The following TCOF1 variants were observed in gnomAD, a reference collection of about 807,000 sequenced individuals.
The protein encoded by TCOF1 is treacle protein.
A neutral mutation model predicts 149.0 loss-of-function variants in TCOF1; 33 were observed. The ratio of observed to expected loss-of-function variants is 0.22; its 90% CI spans 0.17 to 0.30. The LOEUF is 0.30. TCOF1 is among the 10% of genes least tolerant of loss of function. TCOF1 has a pLI of 1.00. For missense variants in TCOF1, 1,728 were observed against 1,840.7 expected (o/e 0.94, Z 1.12); for synonymous variants, 789 against 738.8 (o/e 1.07, Z -1.10).
intron 18 of TCOF1, among the ~76,000 whole-genome samples, chr5:150,389,662 G>T (rs966576631): frequency 1.3e-5 from 2 of 152,232 alleles, no homozygotes; most frequent in African/African-American, 2.4e-5. Flanking sequence ...GAAGCCTGGG[G>T]TCACCCCCAG....
intron 20 of TCOF1, 133 bp from the exon 21 acceptor site, chr5:150,391,824 G>T (rs1767504819): frequency 8.4e-7 from 1 of 1,184,112 alleles, no homozygotes; most frequent in African/African-American, 1.5e-5. Context: ...ACCTTTCGTA[G>T]TTGGAAGGAT....
At chr5:150,370,647 C>T (rs1292949098) in intron 6 of TCOF1, among the ~76,000 whole-genome samples, 5 of 152,168 alleles carry the variant, frequency 3.3e-5, no homozygotes, top group African/African-American at 2.4e-5. Context: ...TGAGCCGCCA[C>T]GCCTGGCCAA....
chr5:150,389,122 TAC>T (rs1766879009), intron 18 of TCOF1, among the ~76,000 whole-genome samples: 1 of 152,214 alleles, frequency 6.6e-6, no homozygotes, highest in Non-Finnish European at 1.5e-5. Flanking sequence ...CATATACTTA[TAC>T]ATATATGTGT....
At position 150,376,487 on chromosome 5, in the gene TCOF1, G is replaced by A. The variant is rs1227842286; in HGVS notation, c.2207G>A (p.Gly736Glu). 3 of 1,614,024 alleles carry A rather than the reference G, an allele frequency of 1.9e-6. No individual in the cohort carries two copies. Among genetic ancestry groups the A allele is most frequent in the East Asian group, 2.2e-5 (1 of 44,892 alleles). ...AASVPVKGSL[G>E]QGTAPVLPGK... ...TCAGTGCCTGTCAAGGGGTCCTTGG[G>A]GCAAGGGACTGCTCCAGTACTCCCT... The change falls in exon 14 of 27, where the codon GGG becomes GAG. Residue 736 changes from glycine (G) to glutamate (E), a missense_variant. Physicochemically the swap from Gly to Glu is moderately conservative, Grantham distance 98. Coordinates refer to ENST00000643257, the MANE Select transcript of TCOF1 (RefSeq NM_001371623.1).
Position 150,374,662 on chromosome 5 carries a change from C to T in TCOF1, c.1129C>T (p.Pro377Ser). 6.2e-7 allele frequency: 1 copy of T among 1,613,980 alleles called. No homozygotes were observed. The highest frequency in any genetic ancestry group is 8.5e-7 in the Non-Finnish European group (1 of 1,180,012). Residue 377 changes from proline (P) to serine (S), a missense_variant, in exon 9 of 27, where the codon CCT becomes TCT. Physicochemically the swap from Pro to Ser is moderately conservative, Grantham distance 74. Transcript: ENST00000643257. ...KTSQVGAASAPAKESPRKGAA... is the reference protein window; with the variant it reads ...KTSQVGAASASAKESPRKGAA... ...CTCTCAGGTCGGAGCTGCCTCAGCC[C>T]CTGCCAAGGAGTCCCCCAGGAAAGG...
intron 23 of TCOF1, among the ~76,000 whole-genome samples, chr5:150,395,111 C>T (rs1008871694): frequency 1.3e-5 from 2 of 152,120 alleles, no homozygotes; most frequent in African/African-American, 2.4e-5. Context: ...CTGCCCAGTC[C>T]ACCTCCCCCA....
chr5:150,395,942 T>G (rs1267224904), intron 23 of TCOF1, among the ~76,000 whole-genome samples: 2 of 152,162 alleles, frequency 1.3e-5, no homozygotes, highest in Non-Finnish European at 2.9e-5. Flanking sequence ...AGCTCCAGAC[T>G]CCATCTCCCT....
At chr5:150,391,902 C>T in intron 20 of TCOF1, 55 bp from the exon 21 acceptor site, 2 of 1,563,774 alleles carry the variant, frequency 1.3e-6, no homozygotes, top group Non-Finnish European at 8.8e-7. Flanking sequence ...CAGGAAGGAC[C>T]AGGTCTTACT....
chr5:150,394,778 A>T (rs919077808), intron 23 of TCOF1: 1 of 152,312 alleles, frequency 6.6e-6, no homozygotes, highest in Non-Finnish European at 1.5e-5. Context: ...ACTAGCCAGC[A>T]TGATGGCAGG....
chr5:150,360,024 C>T (rs768937535), intron 1 of TCOF1, among the ~76,000 whole-genome samples: 2 of 152,150 alleles, frequency 1.3e-5, no homozygotes, highest in Non-Finnish European at 2.9e-5. Context: ...GCAGGGTGGC[C>T]TGACACATTT....
At chr5:150,374,058 G>A in intron 7 of TCOF1, 116 bp from the exon 8 acceptor site, 1 of 1,141,598 alleles carries the variant, frequency 8.8e-7, no homozygotes, top group Non-Finnish European at 1.3e-6. Flanking sequence ...TGGGGAGTGG[G>A]GAGGGAAGCA....
rs764760629 is a variant in TCOF1 at position 150,357,733 on chromosome 5, C to A, written c.-14C>A. The A allele has an allele frequency of 4.5e-6, 7 of 1,546,460 alleles. No individual in the cohort carries two copies. In the African/African-American group the frequency reaches 6.9e-5, roughly 15 times the overall value. ...CGGGGCGTGCAGGTAGCCGGCCGGC[C>A]GGGGGTCGCGGGTATGGCCGAGGCC... is the stretch of plus-strand genomic sequence containing the variant. On this transcript the variant is annotated 5_prime_UTR_variant, in exon 1 of 27. Transcript: ENST00000643257.
intron 2 of TCOF1, among the ~76,000 whole-genome samples, chr5:150,361,761 G>A (rs1244567117): frequency 6.6e-6 from 1 of 152,212 alleles, no homozygotes; most frequent in Admixed American, 6.5e-5. Context: ...AATTGGAGGA[G>A]TGAACTATGC....
In TCOF1 at chr5:150,391,860, T is replaced by C. The variant is rs1257710429; in HGVS notation, c.3298-97T>C. The C allele has an allele frequency of 2.3e-6, 3 of 1,283,736 alleles. No individual in the cohort carries two copies. In the African/African-American group the frequency reaches 4.4e-5, roughly 19 times the overall value. 79.5% of individuals were successfully genotyped at this position (1,283,736 alleles called of 1,614,324 possible). A position where few individuals can be genotyped will look rare whatever the true frequency, so the allele number is the denominator to read the frequency against. On this transcript the variant is annotated intron_variant, in intron 20 of 26. Transcript: ENST00000643257. ...CAAATGAGGCTGCATGTGTGCCCCA[T>C]CTAACACAGTTCCTGGCCCTACTGA...
At position 150,361,116 on chromosome 5, in the gene TCOF1, G is replaced by T. The variant is rs779932931; in HGVS notation, c.109-40G>T. ...TGGGCCCAAGAAGGATCCTTACTGTGCTGGGGATTAATTGTGGCTTTCTCT... is the reference window on the plus strand; with the variant it reads ...TGGGCCCAAGAAGGATCCTTACTGTTCTGGGGATTAATTGTGGCTTTCTCT... On this transcript the variant is annotated intron_variant, in intron 1 of 26. Transcript: ENST00000643257. The T allele has an allele frequency of 9.9e-6, 16 of 1,613,460 alleles. No homozygotes were observed. In the East Asian group the frequency reaches 3.6e-4, roughly 36 times the overall value.
At position 150,368,350 on chromosome 5, in the gene TCOF1, A is replaced by G; in HGVS notation, c.379-366A>G. 6 of 357,620 alleles carry G rather than the reference A, an allele frequency of 1.7e-5. No homozygotes were observed. The South Asian group carries it at 1.8e-4, about 11-fold the overall frequency. 22.2% of individuals were successfully genotyped at this position (357,620 alleles called of 1,614,324 possible). On this transcript the variant is annotated intron_variant, in intron 4 of 26. Coordinates refer to ENST00000643257, the MANE Select transcript of TCOF1 (RefSeq NM_001371623.1). Reference sequence around the variant, plus strand: ...TCAAAAAACAAGGTGTCATTTTCTAATAATCCAGAAAGCAGAGTTAGATAC... The same window carrying G: ...TCAAAAAACAAGGTGTCATTTTCTAGTAATCCAGAAAGCAGAGTTAGATAC...
At chr5:150,398,317 C>G in intron 24 of TCOF1, 37 bp from the exon 25 acceptor site, 1 of 1,612,020 alleles carries the variant, frequency 6.2e-7, no homozygotes, top group African/African-American at 1.3e-5. Flanking sequence ...TTAGGATTAC[C>G]ATCTGTTGTT....
chr5:150,368,019 C>A, intron 4 of TCOF1, 102 bp downstream of exon 4: 2 of 1,307,210 alleles, frequency 1.5e-6, no homozygotes, highest in East Asian at 2.4e-5. Flanking sequence ...AGTAATTGCC[C>A]CACCTGGATT....
Position 150,379,534 on chromosome 5 carries a change from G to A in TCOF1, c.2661G>A (p.Val887=). Residue 887 remains valine (V), a splice_region_variant and synonymous_variant, in exon 17 of 27, where the codon GTG becomes GTA. Transcript: ENST00000643257. ...TCTCATCCTGTTTCTCCCTCCAGGT[G>A]AAGCCTTCAGGGAAGACCCACCAGA... ...SEEEAETLAQ[V]KPSGKTHQIR... 6.2e-7 allele frequency: 1 copy of A among 1,614,192 alleles called. No homozygotes were observed. The highest frequency in any genetic ancestry group is 8.5e-7 in the Non-Finnish European group (1 of 1,180,034).
Sources: gnomAD v4.1 joint callset for allele counts (sites outside exome capture counted in the v4.1 genomes callset) on GRCh38, gnomAD v4.1.1 for gene constraint, MANE v1.5 for transcripts, NCBI Gene and HGNC (gene_info 2026-07-23, HGNC 2026-07-21) for gene names.